ASTN1: variants seen among roughly 807,000 people sequenced by gnomAD.
ASTN1 encodes the protein astrotactin 1.
A neutral mutation model predicts 140.7 loss-of-function variants in ASTN1; 41 were observed. The observed-to-expected ratio is 0.29, with a 90% CI of 0.23 to 0.38. ASTN1 has a LOEUF of 0.38. Among genes scored for constraint, ASTN1 ranks in the 10% least tolerant of loss-of-function variants. The probability of loss-of-function intolerance (pLI) is 1.00; values close to 1 mark genes in which losing one functional copy is unlikely to be tolerated. For missense variants in ASTN1, 1,479 were observed against 1,678.8 expected, an observed-to-expected ratio of 0.88 and a Z score of 2.08; for synonymous variants, 640 against 652.2, an observed-to-expected ratio of 0.98 and a Z score of 0.29.
intron 8 of ASTN1, among the ~76,000 whole-genome samples, chr1:177,002,230 G>A (rs2101915161): frequency 6.6e-6 from 1 of 152,226 alleles, no homozygotes; most frequent in Admixed American, 6.5e-5. Flanking sequence ...GGCCATAAAG[G>A]AAGGAAAAAG....
intron 1 of ASTN1, among the ~76,000 whole-genome samples, chr1:177,134,960 G>A (rs943900636): frequency 6.6e-6 from 1 of 152,136 alleles, no homozygotes; most frequent in African/African-American, 2.4e-5. Context: ...ATAATGAAGA[G>A]GTTCAAGTGA....
intron 1 of ASTN1, among the ~76,000 whole-genome samples, chr1:177,135,445 T>C (rs1166481267): frequency 6.6e-6 from 1 of 151,684 alleles, no homozygotes; most frequent in East Asian, 1.9e-4. Flanking sequence ...ACAAGCAACG[T>C]GACCATGGGC....
intron 16 of ASTN1, among the ~76,000 whole-genome samples, chr1:176,933,043 C>T (rs1187733561): frequency 6.6e-6 from 1 of 152,196 alleles, no homozygotes; most frequent in Non-Finnish European, 1.5e-5. Flanking sequence ...TAGCAGAAGC[C>T]TGTGGTTTTG....
chr1:177,049,881 C>G (rs1677449003), intron 2 of ASTN1, among the ~76,000 whole-genome samples: 1 of 152,184 alleles, frequency 6.6e-6, no homozygotes, highest in Admixed American at 6.5e-5. Flanking sequence ...GCTGTTCACT[C>G]TGAGCCACGG....
rs1475866233 is a variant in ASTN1, at chr1:177,028,038, G to GA, written c.1120+1595dup. Among the ~76,000 whole-genome samples, 7 of 152,100 alleles carry GA rather than the reference G, an allele frequency of 4.6e-5. No individual in the cohort carries two copies. The East Asian group carries it at 1.4e-3, about 29-fold the overall frequency. On this transcript the variant is annotated intron_variant, in intron 5 of 22. Coordinates refer to ENST00000361833, the MANE Select transcript of ASTN1 (RefSeq NM_004319.3). ...AAACACTTACAAGCATCTGTTACAGGAAAAATCCTTCACTAGGCACTTTGG... is the reference window on the plus strand; with the variant it reads ...AAACACTTACAAGCATCTGTTACAGGAAAAAATCCTTCACTAGGCACTTTGG...
At chr1:177,031,896 A>G (rs1387053160) in intron 3 of ASTN1, among the ~76,000 whole-genome samples, 2 of 152,210 alleles carry the variant, frequency 1.3e-5, no homozygotes, top group Non-Finnish European at 2.9e-5. Context: ...CCATAGATAC[A>G]CAATGCATCT....
At chr1:176,983,783 C>T (rs1169771792) in intron 8 of ASTN1, among the ~76,000 whole-genome samples, 1 of 152,180 alleles carries the variant, frequency 6.6e-6, no homozygotes, top group Non-Finnish European at 1.5e-5. Context: ...GCATACCAGC[C>T]TCTTTCTCTC....
intron 1 of ASTN1, among the ~76,000 whole-genome samples, chr1:177,113,239 C>CGGG (rs1680907581): frequency 2.6e-5 from 4 of 152,138 alleles, no homozygotes; most frequent in Admixed American, 2.6e-4. Flanking sequence ...AAACCAGGCA[C>CGGG]AGACACCTAA....
chr1:176,933,053 G>T (rs1464560949), intron 16 of ASTN1, among the ~76,000 whole-genome samples: 2 of 152,240 alleles, frequency 1.3e-5, no homozygotes, highest in South Asian at 4.1e-4. Context: ...CTGTGGTTTT[G>T]TTTCTGAGTT....
intron 21 of ASTN1, among the ~76,000 whole-genome samples, chr1:176,876,298 T>C (rs888609625): frequency 6.6e-6 from 1 of 152,130 alleles, no homozygotes; most frequent in Admixed American, 6.5e-5. Context: ...TTCATCAGTG[T>C]CTCCTATGGG....
intron 1 of ASTN1, among the ~76,000 whole-genome samples, chr1:177,088,515 A>C (rs191330168): frequency 1.3e-5 from 2 of 152,330 alleles, no homozygotes; most frequent in East Asian, 3.9e-4. Context: ...AGTAACAACA[A>C]AGAAGGCAAA....
rs1283648098 is a variant in ASTN1, at chr1:177,135,109, C to T, written c.283+29285G>A. ...GAGGGGCAGGTGGATGTGCTTACTG[C>T]CATGGGACGTTGCTTTTGCTTTGTT... On this transcript the variant is annotated intron_variant, in intron 1 of 22. Coordinates refer to ENST00000361833, the MANE Select transcript of ASTN1 (RefSeq NM_004319.3). 2.0e-5 allele frequency among the ~76,000 whole-genome samples: 3 copies of T among 152,080 alleles called. No individual in the cohort carries two copies. The South Asian group carries it at 6.2e-4, about 32-fold the overall frequency.
intron 8 of ASTN1, among the ~76,000 whole-genome samples, chr1:176,970,006 C>T (rs1259644438): frequency 6.6e-6 from 1 of 152,240 alleles, no homozygotes; most frequent in Non-Finnish European, 1.5e-5. Context: ...AGCAGGCACA[C>T]ATGGAAACGC....
intron 1 of ASTN1, among the ~76,000 whole-genome samples, chr1:177,121,254 T>C (rs752668740): frequency 1.3e-5 from 2 of 152,142 alleles, no homozygotes; most frequent in South Asian, 2.1e-4. Context: ...GGGTAAAAGA[T>C]GGAAAGATCT....
At chr1:176,994,022 T>TGG (rs1674315147) in intron 8 of ASTN1, among the ~76,000 whole-genome samples, 1 of 117,604 alleles carries the variant, frequency 8.5e-6, no homozygotes, top group African/African-American at 3.7e-5. Flanking sequence ...TGTGTACGTG[T>TGG]GTGTGTGTGT....
intron 5 of ASTN1, among the ~76,000 whole-genome samples, chr1:177,026,169 T>C (rs1254226924): frequency 6.6e-6 from 1 of 152,172 alleles, no homozygotes; most frequent in Non-Finnish European, 1.5e-5. Flanking sequence ...AAGGAGAGAC[T>C]TGAGGGCAGA....
At position 177,023,703 on chromosome 1, in the gene ASTN1, C is replaced by T. The variant is rs1675950554; in HGVS notation, c.1271-132G>A. 4.8e-6 allele frequency: 5 copies of T among 1,033,480 alleles called. No individual in the cohort carries two copies. In the South Asian group the frequency reaches 8.0e-5, roughly 17 times the overall value. The allele number at this position is 1,033,480 out of a possible 1,614,324, so 64.0% of individuals were successfully genotyped here. The stretch of plus-strand genomic sequence containing the variant: ...ATCCTAACTCTCACCATTCCTAGCC[C>T]ATCATTAGCCCCAGAGCAAGGGATC... On this transcript the variant is annotated intron_variant, in intron 6 of 22. Coordinates refer to ENST00000361833, the MANE Select transcript of ASTN1 (RefSeq NM_004319.3).
chr1:177,149,978 T>C (rs1378037576), intron 1 of ASTN1, among the ~76,000 whole-genome samples: 1 of 151,416 alleles, frequency 6.6e-6, no homozygotes, highest in Non-Finnish European at 1.5e-5. Flanking sequence ...TTATTTCTCA[T>C]TGTCTTCCAG....
intron 21 of ASTN1, among the ~76,000 whole-genome samples, chr1:176,872,967 CT>C (rs1436561560): frequency 6.6e-6 from 1 of 152,180 alleles, no homozygotes; most frequent in Admixed American, 6.5e-5. Flanking sequence ...GTCATCCTTA[CT>C]AAGATATAAG....
Sources: gnomAD v4.1 joint callset for allele counts (sites outside exome capture counted in the v4.1 genomes callset) on GRCh38, gnomAD v4.1.1 for gene constraint, MANE v1.5 for transcripts, NCBI Gene and HGNC (gene_info 2026-07-23, HGNC 2026-07-21) for gene names.